PTPRD: variants seen among roughly 807,000 people sequenced by gnomAD.
PTPRD encodes the protein receptor-type tyrosine-protein phosphatase delta.
PTPRD carries 34 observed loss-of-function variants against 214.5 expected under a neutral mutation model. The ratio of observed to expected loss-of-function variants is 0.16; its 90% CI spans 0.12 to 0.21. The LOEUF is 0.21. Among genes scored for constraint, PTPRD ranks in the 10% least tolerant of loss-of-function variants. PTPRD has a pLI of 1.00. For missense variants in PTPRD, 2,545 were observed against 2,398.7 expected (o/e 1.06, Z -1.27); for synonymous variants, 1,128 against 845.7 (o/e 1.33, Z -5.79).
chr9:8,861,203 C>G (rs1229037657), intron 11 of PTPRD: 1 of 152,108 alleles, frequency 6.6e-6, no homozygotes, highest in African/African-American at 2.4e-5. Flanking sequence ...ATGAGGCATC[C>G]TAACAGGAGA....
At chr9:9,548,773 C>T (rs147082441) in intron 8 of PTPRD, among the ~76,000 whole-genome samples, 142 of 152,094 alleles carry the variant, frequency 9.3e-4, no homozygotes, top group African/African-American at 3.3e-3. Context: ...GATAAAAGAG[C>T]ATATTTTATA....
At chr9:8,693,963 A>G (rs2097858203) in intron 12 of PTPRD, among the ~76,000 whole-genome samples, 1 of 152,224 alleles carries the variant, frequency 6.6e-6, no homozygotes, top group Non-Finnish European at 1.5e-5. Context: ...TAATAATTTA[A>G]AAGTAGATAA....
At chr9:8,592,237 C>A (rs534236078) in intron 14 of PTPRD, among the ~76,000 whole-genome samples, 3 of 152,134 alleles carry the variant, frequency 2.0e-5, no homozygotes, top group African/African-American at 4.8e-5. Context: ...TTTCACTCTT[C>A]AAACAACTAC....
intron 10 of PTPRD, among the ~76,000 whole-genome samples, chr9:9,082,511 T>A (rs201758455): frequency 6.6e-6 from 1 of 151,880 alleles, no homozygotes; most frequent in Admixed American, 6.6e-5. Context: ...GTGCCCTCTC[T>A]CACCACTCCT....
At chr9:8,377,903 T>C (rs1318269229) in intron 37 of PTPRD, among the ~76,000 whole-genome samples, 1 of 152,110 alleles carries the variant, frequency 6.6e-6, no homozygotes, top group African/African-American at 2.4e-5. Context: ...AGATAGCATT[T>C]GCTCCTCTGA....
At chr9:10,476,143 G>A (rs1481916917) in intron 2 of PTPRD, among the ~76,000 whole-genome samples, 1 of 152,080 alleles carries the variant, frequency 6.6e-6, no homozygotes, top group African/African-American at 2.4e-5. Flanking sequence ...GGGCAGTGAG[G>A]CAGGAGAAAG....
At chr9:10,396,997 G>T (rs2098183230) in intron 2 of PTPRD, among the ~76,000 whole-genome samples, 3 of 151,866 alleles carry the variant, frequency 2.0e-5, no homozygotes, top group African/African-American at 7.2e-5. Context: ...TACACGTCTG[G>T]GGAAACTACA....
intron 8 of PTPRD, among the ~76,000 whole-genome samples, chr9:9,492,918 T>G (rs7028480): frequency 1.4e-5 from 2 of 147,814 alleles, no homozygotes; most frequent in Admixed American, 1.4e-4. Context: ...CTATTGTAAT[T>G]GTTCTGGGGC....
In PTPRD at chr9:8,536,418, C is replaced by G. The variant is rs1319146170; in HGVS notation, c.353-7639G>C. ...ATATATATACATACATACACACACA[C>G]ATATACACACACATATATACGTATA... On this transcript the variant is annotated intron_variant, in intron 14 of 45. Coordinates refer to ENST00000381196, the MANE Select transcript of PTPRD (RefSeq NM_002839.4). Among the ~76,000 whole-genome samples, 10 of 151,502 alleles carry G rather than the reference C, an allele frequency of 6.6e-5. No homozygotes were observed. In the East Asian group the frequency reaches 1.9e-3, roughly 29 times the overall value.
At chr9:8,429,014 G>C (rs190358619) in intron 35 of PTPRD, among the ~76,000 whole-genome samples, 1 of 152,286 alleles carries the variant, frequency 6.6e-6, no homozygotes, top group East Asian at 1.9e-4. Flanking sequence ...TTACTATCAG[G>C]AGTGAACAAA....
At chr9:9,030,131 C>G (rs1212266306) in intron 10 of PTPRD, among the ~76,000 whole-genome samples, 1 of 151,772 alleles carries the variant, frequency 6.6e-6, no homozygotes, top group East Asian at 1.9e-4. Context: ...AACAGGAAAT[C>G]TATGAAAGGA....
chr9:10,315,517 C>T (rs538308468), intron 3 of PTPRD, among the ~76,000 whole-genome samples: 9 of 151,822 alleles, frequency 5.9e-5, no homozygotes, highest in Non-Finnish European at 1.2e-4. Flanking sequence ...TTATTATATG[C>T]AATATGACAG....
At chr9:10,049,889 T>C (rs2097495363) in intron 3 of PTPRD, among the ~76,000 whole-genome samples, 1 of 152,158 alleles carries the variant, frequency 6.6e-6, no homozygotes, top group Admixed American at 6.5e-5. Flanking sequence ...GTTAGTCAAG[T>C]TTCATTGTAG....
intron 3 of PTPRD, among the ~76,000 whole-genome samples, chr9:10,080,471 A>G (rs2098218340): frequency 6.6e-6 from 1 of 152,126 alleles, no homozygotes; most frequent in Admixed American, 6.5e-5. Flanking sequence ...AGAAATTAGA[A>G]ATGCATTAGA....
At chr9:8,781,217 A>C (rs763933673) in intron 11 of PTPRD, among the ~76,000 whole-genome samples, 3 of 152,246 alleles carry the variant, frequency 2.0e-5, no homozygotes, top group Non-Finnish European at 4.4e-5. Context: ...GGCAGGGGGC[A>C]ATCAGCTGTC....
chr9:10,583,884 C>T (rs1591458988), intron 2 of PTPRD, among the ~76,000 whole-genome samples: 1 of 152,146 alleles, frequency 6.6e-6, no homozygotes. Context: ...AATGTCAAAG[C>T]ACTGAGTTAA....
intron 5 of PTPRD, among the ~76,000 whole-genome samples, chr9:9,889,049 A>C (rs945169118): frequency 1.3e-5 from 2 of 152,160 alleles, no homozygotes; most frequent in Admixed American, 6.6e-5. Flanking sequence ...TCTCACTCAT[A>C]TGTGGAATCT....
intron 39 of PTPRD, among the ~76,000 whole-genome samples, chr9:8,372,557 C>T (rs2081879859): frequency 6.6e-6 from 1 of 151,992 alleles, no homozygotes; most frequent in African/African-American, 2.4e-5. Context: ...GTCTATCTCT[C>T]CAGAGTGTGT....
chr9:8,646,080 A>G (rs1267068915), intron 12 of PTPRD, among the ~76,000 whole-genome samples: 1 of 152,116 alleles, frequency 6.6e-6, no homozygotes, highest in East Asian at 1.9e-4. Flanking sequence ...AAAAAATGAA[A>G]GCTACAGGTG....
Sources: allele counts gnomAD v4.1 joint callset (sites outside exome capture counted in the v4.1 genomes callset), GRCh38; gene constraint gnomAD v4.1.1; transcripts MANE v1.5; gene names NCBI Gene and HGNC (gene_info 2026-07-23, HGNC 2026-07-21).